The following PPP2R2D variants were observed in gnomAD, a reference collection of about 807,000 sequenced individuals.
PPP2R2D encodes the protein protein phosphatase 2 regulatory subunit Bdelta.
A neutral mutation model predicts 31.1 loss-of-function variants in PPP2R2D; 9 were observed. The observed-to-expected ratio is 0.29, with a 90% CI of 0.17 to 0.51. The LOEUF is 0.51. Ranked by LOEUF, PPP2R2D falls within the 20% of genes least tolerant of loss-of-function variation. The probability of loss-of-function intolerance (pLI) is 0.98; values close to 1 mark genes in which losing one functional copy is unlikely to be tolerated. For synonymous variants in PPP2R2D, 179 were observed against 172.6 expected, an observed-to-expected ratio of 1.04 and a Z score of -0.29; for missense variants, 391 against 465.6, an observed-to-expected ratio of 0.84 and a Z score of 1.48.
chr10:131,911,320 G>A (rs943914409), intron 2 of PPP2R2D, among the ~76,000 whole-genome samples: 2 of 152,208 alleles, frequency 1.3e-5, no homozygotes, highest in Non-Finnish European at 2.9e-5. Flanking sequence ...TCCTAAGTGT[G>A]CTGTGAGGAT....
chr10:131,961,202 C>T (rs567302469), downstream of PPP2R2D, among the ~76,000 whole-genome samples: 20 of 152,286 alleles, frequency 1.3e-4, no homozygotes, highest in African/African-American at 3.8e-4. Context: ...GGGGGCCTGG[C>T]GGGCCCCGCG....
chr10:131,917,068 GAC>G (rs1554893244), intron 2 of PPP2R2D, among the ~76,000 whole-genome samples: 5 of 148,556 alleles, frequency 3.4e-5, no homozygotes, highest in African/African-American at 5.0e-5. Flanking sequence ...CGGGTGGAAT[GAC>G]ACAGTGTTTG....
At chr10:131,929,662 C>G (rs9419338) in intron 2 of PPP2R2D, among the ~76,000 whole-genome samples, 1 of 152,084 alleles carries the variant, frequency 6.6e-6, no homozygotes, top group East Asian at 1.9e-4. Flanking sequence ...CACACCTGCC[C>G]GCTCCATTCT....
At chr10:131,901,378 C>T (rs2035491410) in intron 2 of PPP2R2D, 48 bp downstream of exon 2, 2 of 350,508 alleles carry the variant, frequency 5.7e-6, no homozygotes, top group Admixed American at 9.5e-5. Context: ...GGACAGCTCC[C>T]AGCCCGGCCG....
At position 131,957,238 on chromosome 10, in the gene PPP2R2D, ATT is replaced by A; in HGVS notation, c.*1276_*1277del. ...CCTGTGGAGATGAAGGTGTGTGTTG[ATT>A]CCTCCTGCTGCTGTGGAGATGGAGG... On this transcript the variant is annotated 3_prime_UTR_variant, in exon 9 of 9. Transcript: ENST00000455566. 1 of 156,436 alleles carries A rather than the reference ATT, an allele frequency of 6.4e-6. No individual in the cohort carries two copies. The highest frequency in any genetic ancestry group is 6.6e-5 in the Admixed American group (1 of 15,094). 9.7% of individuals were successfully genotyped at this position (156,436 alleles called of 1,614,324 possible).
Position 131,945,426 on chromosome 10 carries a change from C to G in PPP2R2D, c.787C>G (p.Arg263Gly). The G allele has an allele frequency of 6.2e-7, 1 of 1,613,852 alleles. No individual in the cohort carries two copies. The highest frequency in any genetic ancestry group is 8.5e-7 in the Non-Finnish European group (1 of 1,179,830). ...AGGGACCATCCGCCTGTGTGACATG[C>G]GCTCCTCGGCCCTGTGCGACAGACA... Reference protein sequence around the residue: ...SKGTIRLCDMRSSALCDRHSK... With the variant: ...SKGTIRLCDMGSSALCDRHSK... The change falls in exon 7 of 9, where the codon CGC becomes GGC. Residue 263 changes from arginine (R) to glycine (G), a missense_variant. Physicochemically the swap from Arg to Gly is moderately radical, Grantham distance 125. Around this residue, in one of 3 missense-constraint regions of PPP2R2D, gnomAD observed 123 missense variants for 187.7 expected, o/e 0.66. Coordinates refer to ENST00000455566, the MANE Select transcript of PPP2R2D (RefSeq NM_018461.5). The surrounding 1 kb of genome is among the most constrained non-coding windows in gnomAD (Gnocchi z 4.8).
chr10:131,934,296 G>A (rs1386137473), intron 2 of PPP2R2D, among the ~76,000 whole-genome samples, 162 bp from the exon 3 acceptor site: 1 of 152,120 alleles, frequency 6.6e-6, no homozygotes, highest in Non-Finnish European at 1.5e-5. Flanking sequence ...GAACCAATAA[G>A]TGGCCACTTG....
chr10:131,908,735 GACAA>G (rs1233598837), intron 2 of PPP2R2D, among the ~76,000 whole-genome samples: 4 of 152,338 alleles, frequency 2.6e-5, no homozygotes, highest in East Asian at 3.9e-4. Context: ...GGAAAGCTCT[GACAA>G]ACAAACACGT....
intron 3 of PPP2R2D, chr10:131,935,146 C>T (rs2036316194): frequency 2.9e-6 from 1 of 349,886 alleles, no homozygotes; most frequent in Non-Finnish European, 5.7e-6. Flanking sequence ...TGCCTTTTCA[C>T]TGATGCCTTG....
At chr10:131,913,075 T>C (rs2035709967) in intron 2 of PPP2R2D, among the ~76,000 whole-genome samples, 2 of 152,296 alleles carry the variant, frequency 1.3e-5, no homozygotes, top group African/African-American at 4.8e-5. Context: ...CAGGCTGGAG[T>C]GCAGTGGCAC....
chr10:131,940,333 A>G (rs2119844424), intron 4 of PPP2R2D, 137 bp downstream of exon 4: 1 of 579,638 alleles, frequency 1.7e-6, no homozygotes. Flanking sequence ...TAGGGTAGCA[A>G]GTGATAGGTT....
At chr10:131,952,416 T>G (rs1589962019) in intron 8 of PPP2R2D, among the ~76,000 whole-genome samples, 1 of 53,222 alleles carries the variant, frequency 1.9e-5, no homozygotes, top group Non-Finnish European at 3.3e-5. Flanking sequence ...CTTGCGGGTG[T>G]GCGGGGGTTC....
intron 3 of PPP2R2D, chr10:131,934,823 G>A (rs2036309407): frequency 7.7e-6 from 4 of 521,580 alleles, no homozygotes; most frequent in South Asian, 4.6e-5. Flanking sequence ...GTGGTGAGGT[G>A]CATTTATGTG....
At chr10:131,951,086 G>A (rs2036627310) in intron 8 of PPP2R2D, among the ~76,000 whole-genome samples, 2 of 152,192 alleles carry the variant, frequency 1.3e-5, no homozygotes, top group Non-Finnish European at 2.9e-5. Context: ...CGCAGAAATG[G>A]AAAAATAAAT....
chr10:131,959,290 GA>G lies in PPP2R2D; in HGVS notation c.*3328del, dbSNP rs1554901003. 1.3e-5 allele frequency: 2 copies of G among 152,534 alleles called. No individual in the cohort carries two copies. Among genetic ancestry groups the G allele is most frequent in the Non-Finnish European group, 2.7e-5 (2 of 73,268 alleles). The allele number at this position is 152,534 out of a possible 1,614,324, so 9.4% of individuals were successfully genotyped here. ...TGTGCTGATCCGCCGTCCCCCTGTG[GA>G]GATGAAGGCGTGTGCTGATCCGCCA... On this transcript the variant is annotated 3_prime_UTR_variant, in exon 9 of 9. Coordinates refer to ENST00000455566, the MANE Select transcript of PPP2R2D (RefSeq NM_018461.5).
chr10:131,917,029 G>A (rs1270889318), intron 2 of PPP2R2D, among the ~76,000 whole-genome samples: 15 of 148,986 alleles, frequency 1.0e-4, no homozygotes, highest in African/African-American at 3.2e-4. Flanking sequence ...CCTCACGTGG[G>A]TGGAATGACA....
In PPP2R2D at chr10:131,956,131, C is replaced by G; in HGVS notation, c.*168C>G. 1 of 1,252,088 alleles carries G rather than the reference C, an allele frequency of 8.0e-7. No homozygotes were observed. Among genetic ancestry groups the G allele is most frequent in the Non-Finnish European group, 1.0e-6 (1 of 1,000,218 alleles). The allele number at this position is 1,252,088 out of a possible 1,614,324, so 77.6% of individuals were successfully genotyped here. ...CCGCTGGAGGCCCGGTGTGGTTCCG[C>G]CTCGGCGAGGCGCGAGACAGGCGCT... On this transcript the variant is annotated 3_prime_UTR_variant, in exon 9 of 9. Transcript: ENST00000455566.
intron 3 of PPP2R2D, among the ~76,000 whole-genome samples, chr10:131,939,480 C>T (rs1356898539): frequency 1.4e-5 from 1 of 72,348 alleles, no homozygotes; most frequent in Non-Finnish European, 2.7e-5. Context: ...CCAGAAAACA[C>T]GGCAGGCTGC....
In PPP2R2D at chr10:131,901,405, C is replaced by T. The variant is rs1312021030; in HGVS notation, c.100+75C>T. On this transcript the variant is annotated intron_variant, in intron 2 of 8. Coordinates refer to ENST00000455566, the MANE Select transcript of PPP2R2D (RefSeq NM_018461.5). ...GCCCGGCCGCGCGCGGCCTCCGGGC[C>T]CCAAGCGTCCGTGGAAGGCAGGCAG... The T allele has an allele frequency of 8.2e-4, 281 of 343,778 alleles. 1 individual carries two copies. Among genetic ancestry groups the T allele is most frequent in the African/African-American group, 5.6e-3 (260 of 46,344 alleles). The allele number at this position is 343,778 out of a possible 1,614,324, so 21.3% of individuals were successfully genotyped here.
Sources: allele counts gnomAD v4.1 joint callset (sites outside exome capture counted in the v4.1 genomes callset), GRCh38; gene constraint gnomAD v4.1.1; regional missense constraint gnomAD v4.1.1; non-coding constraint Gnocchi (gnomAD v3.1); transcripts MANE v1.5; gene names NCBI Gene and HGNC (gene_info 2026-07-23, HGNC 2026-07-21).